The following OSBPL9 variants were observed in gnomAD, a reference collection of about 807,000 sequenced individuals.
The protein encoded by OSBPL9 is oxysterol-binding protein-related protein 9.
A neutral mutation model predicts 106.6 loss-of-function variants in OSBPL9; 40 were observed. That is an observed-to-expected ratio of 0.38 (90% CI 0.29 to 0.49). OSBPL9 has a LOEUF of 0.49. Among genes scored for constraint, OSBPL9 ranks in the 20% least tolerant of loss-of-function variants. The pLI, the probability that OSBPL9 is intolerant of heterozygous loss-of-function variation, is 0.97. For missense variants in OSBPL9, 609 were observed against 887.2 expected (o/e 0.69, Z 3.98); for synonymous variants, 269 against 295.4 (o/e 0.91, Z 0.92).
At chr1:51,685,739 C>A (rs1653645548) in intron 3 of OSBPL9, among the ~76,000 whole-genome samples, 1 of 152,166 alleles carries the variant, frequency 6.6e-6, no homozygotes, top group Admixed American at 6.5e-5. Context: ...CCTCCATTAA[C>A]CTCTTACAAA....
chr1:51,777,730 A>C (rs1281705249), intron 15 of OSBPL9, among the ~76,000 whole-genome samples: 1 of 152,240 alleles, frequency 6.6e-6, no homozygotes, highest in Non-Finnish European at 1.5e-5. Context: ...CAGATAATTT[A>C]AGAAGTAAAA....
At chr1:51,637,931 T>A (rs1407951545) in intron 1 of OSBPL9, among the ~76,000 whole-genome samples, 4 of 152,160 alleles carry the variant, frequency 2.6e-5, no homozygotes, top group Non-Finnish European at 5.9e-5. Flanking sequence ...AATCTTTGGG[T>A]CAAAAAAACT....
At chr1:51,778,065 G>A (rs1675476762) in intron 15 of OSBPL9, among the ~76,000 whole-genome samples, 1 of 152,146 alleles carries the variant, frequency 6.6e-6, no homozygotes, top group Non-Finnish European at 1.5e-5. Context: ...GGCTAAGGCA[G>A]GAGGGTCATG....
At chr1:51,658,450 C>G (rs1209250032) in intron 2 of OSBPL9, among the ~76,000 whole-genome samples, 1 of 151,822 alleles carries the variant, frequency 6.6e-6, no homozygotes, top group Admixed American at 6.6e-5. Context: ...TAGGAATCAC[C>G]AAAGAAAAAT....
intron 4 of OSBPL9, among the ~76,000 whole-genome samples, chr1:51,717,146 T>C (rs1452911791): frequency 6.6e-6 from 1 of 152,096 alleles, no homozygotes; most frequent in Non-Finnish European, 1.5e-5. Context: ...TTGTATTTTT[T>C]TGTAGAGATG....
At chr1:51,615,953 C>A (rs1316362394), upstream of OSBPL9, among the ~76,000 whole-genome samples, 2 of 151,010 alleles carry the variant, frequency 1.3e-5, no homozygotes, top group Non-Finnish European at 2.9e-5. Flanking sequence ...GCTGTATTCC[C>A]AGGACCTCCA....
intron 1 of OSBPL9, chr1:51,583,063 T>A (rs1645229624): frequency 6.6e-6 from 1 of 152,050 alleles, no homozygotes; most frequent in African/African-American, 2.4e-5. Flanking sequence ...CACTCCAGCC[T>A]GGGTGACAAA....
chr1:51,654,988 GGATGGTGAT>G (rs1177263662), intron 2 of OSBPL9, among the ~76,000 whole-genome samples: 1 of 152,016 alleles, frequency 6.6e-6, no homozygotes, highest in Non-Finnish European at 1.5e-5. Context: ...CTCTGGAGAT[GGATGGTGAT>G]GATGGTGATC....
At chr1:51,718,585 C>T (rs1197182115) in intron 4 of OSBPL9, among the ~76,000 whole-genome samples, 3 of 152,052 alleles carry the variant, frequency 2.0e-5, no homozygotes, top group African/African-American at 7.2e-5. Context: ...TCCCCAGGGC[C>T]CCCGTTGTCT....
Position 51,677,846 on chromosome 1 carries a change from G to A in OSBPL9, c.241+8334G>A, listed in dbSNP as rs1651644911. Among the ~76,000 whole-genome samples the A allele has an allele frequency of 2.6e-5, 4 of 152,038 alleles. No homozygotes were observed. The South Asian group carries it at 8.3e-4, about 31-fold the overall frequency. ...TTACAGATGTGAGCCACTGTGCCTG[G>A]CTACAGAGAACATTTTTTAAGCAGT... On this transcript the variant is annotated intron_variant, in intron 3 of 23. Coordinates refer to ENST00000428468, the MANE Select transcript of OSBPL9 (RefSeq NM_024586.6).
At chr1:51,527,958 C>A in the OSBPL9 span, among the ~76,000 whole-genome samples, 17 of 141,308 alleles carry the variant, frequency 1.2e-4, no homozygotes, top group African/African-American at 7.9e-5. Flanking sequence ...ACTAAAAATA[C>A]AAAAAAAAAA....
At chr1:51,655,760 C>A (rs1646779475) in intron 2 of OSBPL9, among the ~76,000 whole-genome samples, 1 of 152,146 alleles carries the variant, frequency 6.6e-6, no homozygotes, top group African/African-American at 2.4e-5. Context: ...AAAAGGGAAG[C>A]TATCATAAGC....
At chr1:51,530,251 G>A in the OSBPL9 span, among the ~76,000 whole-genome samples, 5 of 148,186 alleles carry the variant, frequency 3.4e-5, no homozygotes, top group Non-Finnish European at 7.4e-5. Flanking sequence ...ATTAGAGGAG[G>A]CAATGATTTC....
At chr1:51,607,833 T>A (rs1643959342) in intron 2 of OSBPL9, among the ~76,000 whole-genome samples, 1 of 152,120 alleles carries the variant, frequency 6.6e-6, no homozygotes, top group African/African-American at 2.4e-5. Context: ...GGAATGAAAG[T>A]TTATTAAAAA....
chr1:51,734,718 A>G lies in OSBPL9; in HGVS notation c.319-10818A>G, dbSNP rs554316355. ...AGCTAAACGACTTGCCCATGGCCACATAGCTAGAGAGTAAATGACTAGGGC... is the reference window on the plus strand; with the variant it reads ...AGCTAAACGACTTGCCCATGGCCACGTAGCTAGAGAGTAAATGACTAGGGC... On this transcript the variant is annotated intron_variant, in intron 4 of 23. Transcript: ENST00000428468. 1.2e-4 allele frequency among the ~76,000 whole-genome samples: 18 copies of G among 152,304 alleles called. No homozygotes were observed. The South Asian group carries it at 2.7e-3, about 23-fold the overall frequency.
chr1:51,749,923 A>T (rs1053736964), intron 7 of OSBPL9, among the ~76,000 whole-genome samples: 2 of 151,936 alleles, frequency 1.3e-5, no homozygotes, highest in Admixed American at 6.6e-5. Context: ...TTTAGTATAA[A>T]TTAACAATTT....
chr1:51,763,179 T>C (rs1468496640), intron 11 of OSBPL9, among the ~76,000 whole-genome samples: 1 of 152,080 alleles, frequency 6.6e-6, no homozygotes, highest in African/African-American at 2.4e-5. Flanking sequence ...CAAATTTTTG[T>C]ATTTTTAGTA....
chr1:51,622,450 A>G (rs1644499195), intron 1 of OSBPL9, among the ~76,000 whole-genome samples: 1 of 152,226 alleles, frequency 6.6e-6, no homozygotes, highest in Admixed American at 6.5e-5. Context: ...AAATGTAGCA[A>G]TTTAAAACAA....
At chr1:51,520,982 G>A in the OSBPL9 span, among the ~76,000 whole-genome samples, 5 of 152,274 alleles carry the variant, frequency 3.3e-5, no homozygotes, top group South Asian at 2.1e-4. Context: ...AACCACAACC[G>A]GTGTTTCTAC....
Sources: gnomAD v4.1 joint callset for allele counts (sites outside exome capture counted in the v4.1 genomes callset) on GRCh38, gnomAD v4.1.1 for gene constraint, MANE v1.5 for transcripts, NCBI Gene and HGNC (gene_info 2026-07-23, HGNC 2026-07-21) for gene names.